The following EFCAB5 variants were observed in gnomAD, a reference collection of about 807,000 sequenced individuals.
EFCAB5 encodes the protein EF-hand calcium binding domain 5.
A neutral mutation model predicts 167.9 loss-of-function variants in EFCAB5; 131 were observed. The ratio of observed to expected loss-of-function variants is 0.78; its 90% CI spans 0.68 to 0.90. The LOEUF (loss-of-function observed/expected upper bound fraction) is 0.90. Among genes scored for constraint, EFCAB5 ranks in the 40% least tolerant of loss-of-function variants. The probability of loss-of-function intolerance (pLI) is 0.00; values close to 1 mark genes in which losing one functional copy is unlikely to be tolerated. For missense variants in EFCAB5, 1,663 were observed against 1,745.2 expected, an observed-to-expected ratio of 0.95 and a Z score of 0.84; for synonymous variants, 574 against 602.8, an observed-to-expected ratio of 0.95 and a Z score of 0.70.
intron 8 of EFCAB5, among the ~76,000 whole-genome samples, chr17:30,034,660 G>A (rs1368013108): frequency 3.9e-5 from 6 of 152,134 alleles, no homozygotes; most frequent in African/African-American, 9.7e-5. Flanking sequence ...AAAACAAAAT[G>A]TAAACTAAAA....
intron 4 of EFCAB5, among the ~76,000 whole-genome samples, chr17:29,990,524 C>T (rs1247571698): frequency 6.6e-6 from 1 of 152,170 alleles, no homozygotes. Context: ...CCTGTATGTA[C>T]TTGCACTCCT....
In EFCAB5 at chr17:30,068,783, G is replaced by A. The variant is rs1306619166; in HGVS notation, c.2737+9082G>A. 15 of 1,350,800 alleles carry A rather than the reference G, an allele frequency of 1.1e-5. No individual in the cohort carries two copies. The East Asian group carries it at 2.5e-4, about 23-fold the overall frequency. The allele number at this position is 1,350,800 out of a possible 1,614,324, so 83.7% of individuals were successfully genotyped here. A position where few individuals can be genotyped will look rare whatever the true frequency, so the allele number is the denominator to read the frequency against. ...TGGCCCAAGGGCAACTTCTCCAGCCGGGCCCGCGAAATGATTTCTCACAGT... is the reference window on the plus strand; with the variant it reads ...TGGCCCAAGGGCAACTTCTCCAGCCAGGCCCGCGAAATGATTTCTCACAGT... On this transcript the variant is annotated intron_variant, in intron 14 of 22. Transcript: ENST00000394835.
chr17:29,966,365 T>G (rs1329237573), intron 3 of EFCAB5, among the ~76,000 whole-genome samples: 1 of 152,130 alleles, frequency 6.6e-6, no homozygotes, highest in African/African-American at 2.4e-5. Context: ...GCATGGTGGT[T>G]CATGCCTGTA....
At chr17:30,007,568 G>A (rs1272865955) in intron 7 of EFCAB5, among the ~76,000 whole-genome samples, 9 of 152,192 alleles carry the variant, frequency 5.9e-5, no homozygotes, top group Admixed American at 3.3e-4. Context: ...CTCTGACCAT[G>A]TCAGTTTAAA....
At position 29,993,184 on chromosome 17, in the gene EFCAB5, A is replaced by T; in HGVS notation, c.787A>T (p.Asn263Tyr). Reference protein sequence around the residue: ...ICNRVSKMKENVKQNRKQRES... With the variant: ...ICNRVSKMKEYVKQNRKQRES... ...CTGCAGAGTATCCAAGATGAAGGAG[A>T]ATGTTAAACAGAATAGAAAACAAAG... Residue 263 changes from asparagine to tyrosine, a missense_variant, in exon 5 of 23, where the codon AAT (asparagine) becomes TAT (tyrosine). Transcript: ENST00000394835. 1 of 1,611,052 alleles carries T rather than the reference A, an allele frequency of 6.2e-7. No homozygotes were observed. Among genetic ancestry groups the T allele is most frequent in the East Asian group, 2.2e-5 (1 of 44,808 alleles).
chr17:30,074,836 C>T (rs1275809945), intron 14 of EFCAB5, among the ~76,000 whole-genome samples: 5 of 152,088 alleles, frequency 3.3e-5, no homozygotes, highest in Non-Finnish European at 7.3e-5. Context: ...CCTGCTTTCA[C>T]CCTGGAATTA....
Position 30,090,612 on chromosome 17 carries a change from A to G in EFCAB5, c.3875A>G (p.Gln1292Arg), listed in dbSNP as rs2071177323. 6.2e-7 allele frequency: 1 copy of G among 1,613,982 alleles called. No homozygotes were observed. Among genetic ancestry groups the G allele is most frequent in the African/African-American group, 1.3e-5 (1 of 75,062 alleles). The change falls in exon 20 of 23, where the codon CAA becomes CGA. Residue 1292 changes from glutamine (Q) to arginine (R), a missense_variant. Physicochemically the swap from Gln to Arg is conservative, Grantham distance 43. Coordinates refer to ENST00000394835, the MANE Select transcript of EFCAB5 (RefSeq NM_198529.4). ...CTACAGAAAATGATGAAAGTGGTCCAAGTGGCCTGCTATGAAATACTTGGC... is the reference window on the plus strand; with the variant it reads ...CTACAGAAAATGATGAAAGTGGTCCGAGTGGCCTGCTATGAAATACTTGGC... ...KDLQKMMKVV[Q>R]VACYEILGEF...
intron 14 of EFCAB5, chr17:30,073,056 C>A (rs948912427): frequency 4.7e-6 from 3 of 633,484 alleles, no homozygotes; most frequent in African/African-American, 3.7e-5. Context: ...CCATGCCCAA[C>A]CTTTATTTTT....
intron 8 of EFCAB5, among the ~76,000 whole-genome samples, chr17:30,043,860 G>C (rs917610628): frequency 4.6e-5 from 7 of 152,154 alleles, no homozygotes; most frequent in African/African-American, 1.4e-4. Flanking sequence ...CTTATTTACA[G>C]AAATTGACAA....
intron 22 of EFCAB5, among the ~76,000 whole-genome samples, chr17:30,104,498 T>C (rs1195004947): frequency 6.6e-6 from 1 of 152,110 alleles, no homozygotes; most frequent in African/African-American, 2.4e-5. Flanking sequence ...CCCAGTACTC[T>C]CTATAGCTTA....
intron 3 of EFCAB5, among the ~76,000 whole-genome samples, chr17:29,944,166 C>T (rs1164928267): frequency 2.6e-5 from 4 of 152,060 alleles, no homozygotes; most frequent in Non-Finnish European, 5.9e-5. Context: ...GATTCAAAGT[C>T]CTGGGTTCAA....
chr17:30,032,970 T>G (rs1055422013), intron 7 of EFCAB5, among the ~76,000 whole-genome samples: 2 of 152,118 alleles, frequency 1.3e-5, no homozygotes, highest in African/African-American at 4.8e-5. Flanking sequence ...CCTTAAGTGT[T>G]CCCCCTGGTT....
chr17:30,019,906 G>A (rs764916745), intron 7 of EFCAB5, among the ~76,000 whole-genome samples: 2 of 151,950 alleles, frequency 1.3e-5, no homozygotes, highest in Non-Finnish European at 2.9e-5. Context: ...ATTATAATAC[G>A]TGTATTTATG....
At chr17:30,010,954 A>G (rs1444778987) in intron 7 of EFCAB5, among the ~76,000 whole-genome samples, 1 of 152,206 alleles carries the variant, frequency 6.6e-6, no homozygotes, top group South Asian at 2.1e-4. Context: ...ACATTTAAGT[A>G]TTTAATCCAT....
chr17:29,988,152 C>CT (rs2068330148), intron 4 of EFCAB5, among the ~76,000 whole-genome samples: 1 of 152,154 alleles, frequency 6.6e-6, no homozygotes, highest in South Asian at 2.1e-4. Context: ...TTAGGTATTG[C>CT]AGTAGCAACT....
At chr17:30,085,487 G>A (rs1416501680) in intron 18 of EFCAB5, among the ~76,000 whole-genome samples, 1 of 152,196 alleles carries the variant, frequency 6.6e-6, no homozygotes, top group Non-Finnish European at 1.5e-5. Context: ...TTGGGAGGCT[G>A]AGGCGGGCAG....
At chr17:30,094,864 G>T (rs951068531) in intron 22 of EFCAB5, among the ~76,000 whole-genome samples, 4 of 152,096 alleles carry the variant, frequency 2.6e-5, no homozygotes, top group African/African-American at 9.7e-5. Context: ...TCCCTGTGGG[G>T]GACCCTCTGA....
intron 20 of EFCAB5, among the ~76,000 whole-genome samples, chr17:30,091,224 G>A (rs540383018): frequency 4.4e-4 from 67 of 152,336 alleles, no homozygotes; most frequent in Non-Finnish European, 7.1e-4. Context: ...AAGCTGGTGG[G>A]AGAGCCAGGA....
chr17:29,949,209 A>G (rs2151531174), intron 3 of EFCAB5, among the ~76,000 whole-genome samples: 1 of 152,342 alleles, frequency 6.6e-6, no homozygotes, highest in South Asian at 2.1e-4. Flanking sequence ...TCTGCCCAGC[A>G]GTGGACCATA....
Sources: allele counts gnomAD v4.1 joint callset (sites outside exome capture counted in the v4.1 genomes callset), GRCh38; gene constraint gnomAD v4.1.1; transcripts MANE v1.5; gene names NCBI Gene and HGNC (gene_info 2026-07-23, HGNC 2026-07-21).